The following SLC4A4 variants were observed in gnomAD, a reference collection of about 807,000 sequenced individuals.
SLC4A4 encodes the protein solute carrier family 4 member 4.
Under a neutral mutation model 111.5 loss-of-function variants are expected in SLC4A4, and 27 were observed. The ratio of observed to expected loss-of-function variants is 0.24; its 90% confidence interval spans 0.18 to 0.33. The LOEUF (loss-of-function observed/expected upper bound fraction) is 0.33, where lower values mean the gene tolerates loss of function less well. Ranked by LOEUF, SLC4A4 falls within the 10% of genes least tolerant of loss-of-function variation. The pLI is 1.00. For missense variants in SLC4A4, 909 were observed against 1,315.5 expected, an observed-to-expected ratio of 0.69 and a Z score of 4.78; for synonymous variants, 443 against 463.4, an observed-to-expected ratio of 0.96 and a Z score of 0.57.
intron 10 of SLC4A4, 124 bp from the exon 11 acceptor site, chr4:71,451,064 G>T (rs182587937): frequency 7.3e-4 from 532 of 724,166 alleles, no homozygotes; most frequent in Non-Finnish European, 1.1e-3. Flanking sequence ...ATAGCAGAAA[G>T]AAATAACAAT....
chr4:71,420,352 A>G (rs1722321767), intron 7 of SLC4A4, among the ~76,000 whole-genome samples: 1 of 152,098 alleles, frequency 6.6e-6, no homozygotes, highest in Non-Finnish European at 1.5e-5. Context: ...GACCAAATCT[A>G]TCTCTGATTG....
chr4:71,453,548 G>T lies in SLC4A4; in HGVS notation c.1376G>T (p.Ser459Ile), dbSNP rs763227236. Residue 459 changes from serine (S) to isoleucine (I), a missense_variant, in exon 12 of 26, where the codon AGT becomes ATT. Ser to Ile is a moderately radical substitution (Grantham distance 142). Around this residue, in one of 7 missense-constraint regions of SLC4A4, gnomAD observed 312 missense variants for 402.0 expected, o/e 0.78. Coordinates refer to ENST00000264485, the MANE Select transcript of SLC4A4 (RefSeq NM_001098484.3). ...DIKRKAPFFA[S>I]DFYDALNIQA... ...AAGAGGAAAGCGCCATTTTTTGCCA[G>T]TGATTTTTATGATGCTTTAAATATT... 1.2e-6 allele frequency: 2 copies of T among 1,613,976 alleles called. No individual in the cohort carries two copies. Among genetic ancestry groups the T allele is most frequent in the Non-Finnish European group, 1.7e-6 (2 of 1,179,902 alleles).
chr4:71,156,584 G>GCACACACACACA (rs1197617607), intron 2 of SLC4A4, among the ~76,000 whole-genome samples: 7 of 112,494 alleles, frequency 6.2e-5, no homozygotes, highest in African/African-American at 2.9e-4. Context: ...GCGCGCGCGC[G>GCACACACACACA]CGCGCACACA....
rs557022211 is a variant in SLC4A4 at position 71,249,297 on chromosome 4, A to G, written c.74-5923A>G. 1.1e-4 allele frequency among the ~76,000 whole-genome samples: 16 copies of G among 152,312 alleles called. No individual in the cohort carries two copies. The South Asian group carries it at 2.5e-3, about 24-fold the overall frequency. ...TCAAAATTATCTATACATAAATGAC[A>G]TATGTAATACGTAATTATCTATTAA... On this transcript the variant is annotated intron_variant, in intron 2 of 25. Coordinates refer to ENST00000264485, the MANE Select transcript of SLC4A4 (RefSeq NM_001098484.3).
At chr4:71,344,895 G>A (rs915174229) in intron 4 of SLC4A4, among the ~76,000 whole-genome samples, 1 of 152,052 alleles carries the variant, frequency 6.6e-6, no homozygotes, top group Non-Finnish European at 1.5e-5. Context: ...GGTTGGCCCT[G>A]TGCCTAAAAA....
intron 2 of SLC4A4, among the ~76,000 whole-genome samples, chr4:71,107,147 T>C (rs922295724): frequency 4.0e-5 from 6 of 151,642 alleles, no homozygotes; most frequent in Non-Finnish European, 5.9e-5. Context: ...AGATAGCATA[T>C]AGATAGCATA....
chr4:71,497,763 T>C, intron 16 of SLC4A4, 71 bp downstream of exon 16: 3 of 1,284,620 alleles, frequency 2.3e-6, no homozygotes, highest in Non-Finnish European at 3.4e-6. Context: ...CTTTACAAGG[T>C]GAAAAAGGCA....
At chr4:71,410,208 G>T (rs1402183333) in intron 7 of SLC4A4, among the ~76,000 whole-genome samples, 1 of 152,180 alleles carries the variant, frequency 6.6e-6, no homozygotes, top group Non-Finnish European at 1.5e-5. Context: ...TGAGAAGAGG[G>T]CTACTGTCCT....
At chr4:71,137,936 C>T (rs990873643) in intron 2 of SLC4A4, among the ~76,000 whole-genome samples, 2 of 152,172 alleles carry the variant, frequency 1.3e-5, no homozygotes, top group African/African-American at 2.4e-5. Context: ...AGGTTTCTAA[C>T]ACACAGAGAA....
intron 16 of SLC4A4, among the ~76,000 whole-genome samples, chr4:71,513,926 C>A (rs1732149750): frequency 6.6e-6 from 1 of 152,076 alleles, no homozygotes; most frequent in Non-Finnish European, 1.5e-5. Flanking sequence ...GATGTGATGT[C>A]ACATTTATTG....
chr4:71,497,458 T>C (rs745479402), intron 15 of SLC4A4, 43 bp from the exon 16 acceptor site: 5 of 1,524,086 alleles, frequency 3.3e-6, no homozygotes, highest in African/African-American at 2.7e-5. Context: ...GCTTTTTATA[T>C]GTCAATGTTC....
chr4:71,298,126 G>A (rs1724956301), intron 3 of SLC4A4, among the ~76,000 whole-genome samples: 1 of 152,096 alleles, frequency 6.6e-6, no homozygotes, highest in Non-Finnish European at 1.5e-5. Flanking sequence ...ACCATAAACT[G>A]CCACACAAAT....
intron 16 of SLC4A4, among the ~76,000 whole-genome samples, chr4:71,527,880 G>A (rs937074942): frequency 6.6e-6 from 1 of 152,062 alleles, no homozygotes; most frequent in African/African-American, 2.4e-5. Context: ...TTTAAAGCAT[G>A]AGAGTGAATG....
chr4:71,278,687 G>C (rs1475855591), intron 3 of SLC4A4, among the ~76,000 whole-genome samples: 1 of 152,146 alleles, frequency 6.6e-6, no homozygotes, highest in Non-Finnish European at 1.5e-5. Context: ...TTTCCCTGAT[G>C]ATTAGTGATG....
intron 7 of SLC4A4, among the ~76,000 whole-genome samples, chr4:71,435,725 C>G (rs937595004): frequency 6.6e-6 from 1 of 152,074 alleles, no homozygotes; most frequent in Non-Finnish European, 1.5e-5. Context: ...AAAAAACAAA[C>G]AACCCCATCA....
chr4:71,220,261 A>AT (rs1407371868), intron 1 of SLC4A4, among the ~76,000 whole-genome samples: 1 of 152,212 alleles, frequency 6.6e-6, no homozygotes, highest in East Asian at 1.9e-4. Flanking sequence ...GATTGTTAGC[A>AT]TTTTTTAGCA....
intron 6 of SLC4A4, among the ~76,000 whole-genome samples, chr4:71,374,757 G>A (rs990969565): frequency 6.6e-6 from 1 of 151,800 alleles, no homozygotes; most frequent in African/African-American, 2.4e-5. Flanking sequence ...TTGGAAAAAC[G>A]TTGGCAGTCT....
chr4:71,094,369 T>G (rs754349739), intron 2 of SLC4A4, among the ~76,000 whole-genome samples: 32 of 152,242 alleles, frequency 2.1e-4, no homozygotes, highest in Admixed American at 1.3e-4. Context: ...TAGAGTGGCA[T>G]GTACAGATCC....
intron 14 of SLC4A4, among the ~76,000 whole-genome samples, chr4:71,482,986 T>C (rs1324051208): frequency 6.6e-6 from 1 of 151,634 alleles, no homozygotes; most frequent in East Asian, 1.9e-4. Context: ...GTATACCCAT[T>C]ATATGCTCTA....
Sources: allele counts gnomAD v4.1 joint callset (sites outside exome capture counted in the v4.1 genomes callset), GRCh38; gene constraint gnomAD v4.1.1; regional missense constraint gnomAD v4.1.1; transcripts MANE v1.5; gene names NCBI Gene and HGNC (gene_info 2026-07-23, HGNC 2026-07-21).